HPGDS: variants seen among roughly 807,000 people sequenced by gnomAD.
The protein encoded by HPGDS is hematopoietic prostaglandin D synthase.
A neutral mutation model predicts 23.1 loss-of-function variants in HPGDS; 26 were observed. The observed-to-expected ratio is 1.13, with a 90% CI of 0.83 to 1.56. HPGDS has a LOEUF of 1.56. Among genes scored for constraint, HPGDS ranks in the 40% most tolerant of loss-of-function variants. The pLI, the probability that HPGDS is intolerant of heterozygous loss-of-function variation, is 0.00. For synonymous variants in HPGDS, 95 were observed against 77.9 expected (o/e 1.22, Z -1.16); for missense variants, 268 against 236.4 (o/e 1.13, Z -0.88).
At chr4:94,312,181 C>T (rs969396348) in intron 3 of HPGDS, among the ~76,000 whole-genome samples, 2 of 152,100 alleles carry the variant, frequency 1.3e-5, no homozygotes, top group African/African-American at 2.4e-5. Context: ...CTTCTGCTAG[C>T]TTTTGAATGT....
At chr4:94,326,050 A>G (rs1276053332) in intron 2 of HPGDS, among the ~76,000 whole-genome samples, 1 of 151,782 alleles carries the variant, frequency 6.6e-6, no homozygotes, top group Non-Finnish European at 1.5e-5. Context: ...CTGCTGAGAA[A>G]TCTGCTGTCA....
intron 2 of HPGDS, 173 bp downstream of exon 2, chr4:94,334,324 A>C (rs1756785500): frequency 2.0e-6 from 1 of 497,112 alleles, no homozygotes; most frequent in African/African-American, 2.0e-5. Context: ...TTGTGTTTTC[A>C]CCTCTAATAG....
chr4:94,324,766 C>T (rs563277921), intron 2 of HPGDS, among the ~76,000 whole-genome samples: 4 of 152,322 alleles, frequency 2.6e-5, no homozygotes, highest in African/African-American at 9.6e-5. Context: ...TATGTCAACT[C>T]GTCAAAGTCA....
intron 2 of HPGDS, among the ~76,000 whole-genome samples, chr4:94,322,918 G>C (rs554123874): frequency 7.9e-5 from 12 of 152,140 alleles, no homozygotes; most frequent in East Asian, 3.9e-4. Context: ...AAATTTCCCT[G>C]TACACACTGC....
At chr4:94,300,188 G>A (rs541486659) in intron 5 of HPGDS, among the ~76,000 whole-genome samples, 3 of 152,164 alleles carry the variant, frequency 2.0e-5, no homozygotes, top group South Asian at 2.1e-4. Flanking sequence ...TTTGTACTAC[G>A]TAGTATAAAG....
chr4:94,303,303 G>T (rs2129595), intron 4 of HPGDS, among the ~76,000 whole-genome samples: 7 of 151,814 alleles, frequency 4.6e-5, no homozygotes, highest in African/African-American at 1.7e-4. Flanking sequence ...TTGAGCATGC[G>T]CATGATGCCC....
intron 5 of HPGDS, among the ~76,000 whole-genome samples, chr4:94,301,206 A>T (rs1044905972): frequency 6.6e-6 from 1 of 152,128 alleles, no homozygotes; most frequent in Admixed American, 6.6e-5. Flanking sequence ...TGCTACAAAA[A>T]AGCAGTCTTA....
intron 4 of HPGDS, among the ~76,000 whole-genome samples, chr4:94,306,050 A>G (rs994155165): frequency 6.6e-6 from 1 of 152,132 alleles, no homozygotes; most frequent in Admixed American, 6.6e-5. Context: ...ACACAGGCAC[A>G]TGGTGTGCAT....
intron 3 of HPGDS, among the ~76,000 whole-genome samples, chr4:94,314,109 T>G (rs187638936): frequency 5.9e-5 from 9 of 152,318 alleles, no homozygotes; most frequent in African/African-American, 1.9e-4. Flanking sequence ...TCGGAGAAGT[T>G]TGATCATCTG....
chr4:94,336,582 C>T (rs1721016566), intron 1 of HPGDS, among the ~76,000 whole-genome samples: 1 of 152,060 alleles, frequency 6.6e-6, no homozygotes, highest in Non-Finnish European at 1.5e-5. Flanking sequence ...GGGGAAATGT[C>T]CTTGAAAGAG....
chr4:94,340,845 C>CTTTTTT (rs1355637850), intron 1 of HPGDS, among the ~76,000 whole-genome samples: 1 of 97,116 alleles, frequency 1.0e-5, no homozygotes, highest in Non-Finnish European at 2.0e-5. Context: ...TTTTTTTTTT[C>CTTTTTT]TTTCTTTTTT....
intron 3 of HPGDS, among the ~76,000 whole-genome samples, chr4:94,311,180 A>G (rs1401140410): frequency 3.3e-5 from 5 of 152,136 alleles, no homozygotes; most frequent in Non-Finnish European, 1.5e-5. Flanking sequence ...TGTGTTGAAT[A>G]GGAGTGGTGT....
intron 3 of HPGDS, among the ~76,000 whole-genome samples, chr4:94,312,542 G>T (rs1756297030): frequency 6.6e-6 from 1 of 152,178 alleles, no homozygotes; most frequent in Non-Finnish European, 1.5e-5. Context: ...ATTTGCTGAG[G>T]AGTGCTTTAC....
At chr4:94,331,311 G>A (rs1756732264) in intron 2 of HPGDS, among the ~76,000 whole-genome samples, 1 of 152,138 alleles carries the variant, frequency 6.6e-6, no homozygotes, top group African/African-American at 2.4e-5. Flanking sequence ...TTATTTCTCT[G>A]AGGATTTTAA....
intron 1 of HPGDS, among the ~76,000 whole-genome samples, chr4:94,340,311 C>CTTTCTTTCTTTTTCTTTTCTTTTTTT: frequency 1.3e-4 from 3 of 23,686 alleles, no homozygotes; most frequent in South Asian, 1.6e-3. Flanking sequence ...CTTTCTTTCT[C>CTTTCTTTCTTTTTCTTTTCTTTTTTT]TTTTTTTTTT....
At chr4:94,320,774 C>T (rs1756489829) in intron 2 of HPGDS, among the ~76,000 whole-genome samples, 1 of 152,132 alleles carries the variant, frequency 6.6e-6, no homozygotes, top group Non-Finnish European at 1.5e-5. Flanking sequence ...TAATTAGATC[C>T]CATTTGTCAA....
intron 5 of HPGDS, among the ~76,000 whole-genome samples, chr4:94,300,760 A>G (rs1012296096): frequency 1.3e-5 from 2 of 152,122 alleles, no homozygotes; most frequent in African/African-American, 4.8e-5. Context: ...ATGGACTATG[A>G]CATGGTCAGA....
chr4:94,306,335 C>A (rs78578000), intron 4 of HPGDS, among the ~76,000 whole-genome samples: 1 of 152,112 alleles, frequency 6.6e-6, no homozygotes, highest in Non-Finnish European at 1.5e-5. Flanking sequence ...AATAATTTGA[C>A]AAATATATAT....
chr4:94,342,084 T>C (rs747535816), intron 1 of HPGDS, among the ~76,000 whole-genome samples: 33 of 152,170 alleles, frequency 2.2e-4, no homozygotes, highest in African/African-American at 7.2e-4. Context: ...GAGTAAGATA[T>C]TGATTTCAAT....
Sources: allele counts gnomAD v4.1 joint callset (sites outside exome capture counted in the v4.1 genomes callset), GRCh38; gene constraint gnomAD v4.1.1; transcripts MANE v1.5; gene names NCBI Gene and HGNC (gene_info 2026-07-23, HGNC 2026-07-21).